The following AGBL1 variants were observed in gnomAD, a reference collection of about 807,000 sequenced individuals.
The protein encoded by AGBL1 is AGBL carboxypeptidase 1.
A neutral mutation model predicts 118.9 loss-of-function variants in AGBL1; 130 were observed. The ratio of observed to expected loss-of-function variants is 1.09; its 90% CI spans 0.95 to 1.26. The LOEUF (loss-of-function observed/expected upper bound fraction) is 1.26, where lower values mean the gene tolerates loss of function less well. Ranked by LOEUF, AGBL1 falls within the 50% of genes most tolerant of loss-of-function variation. The pLI, the probability that AGBL1 is intolerant of heterozygous loss-of-function variation, is 0.00. For synonymous variants in AGBL1, 555 were observed against 478.9 expected, an observed-to-expected ratio of 1.16 and a Z score of -2.08; for missense variants, 1,584 against 1,298.1, an observed-to-expected ratio of 1.22 and a Z score of -3.38.
At position 86,695,908 on chromosome 15, in the gene AGBL1, GGTTCCTTTTGGAGTTGATTTC is replaced by G. The variant is rs113943989; in HGVS notation, c.3158+21473_3158+21493del. On this transcript the variant is annotated intron_variant, in intron 22 of 22. Coordinates refer to ENST00000614907, the MANE Select transcript of AGBL1 (RefSeq NM_001386094.1). ...TTTCATGTATTTGCATGGTTATGAA[GGTTCCTTTTGGAGTTGATTTC>G]CAATTTGATTCCACTGTTGTCTGAC... Among the ~76,000 whole-genome samples the G allele has an allele frequency of 5.9e-3, 895 of 152,014 alleles. 6 individuals carry two copies. The highest frequency in any genetic ancestry group is 0.02 in the African/African-American group (834 of 41,494).
intron 18 of AGBL1, among the ~76,000 whole-genome samples, chr15:86,404,420 G>A (rs776116798): frequency 1.6e-4 from 25 of 152,078 alleles, no homozygotes; most frequent in East Asian, 1.9e-4. Context: ...CACTCAACTC[G>A]CCAGGATCAC....
intron 6 of AGBL1, among the ~76,000 whole-genome samples, chr15:86,236,027 T>C (rs60854282): frequency 6.6e-6 from 1 of 152,292 alleles, no homozygotes; most frequent in African/African-American, 2.4e-5. Context: ...TTGTGTAATA[T>C]GCACTTGGCA....
intron 21 of AGBL1, among the ~76,000 whole-genome samples, chr15:86,661,649 G>T (rs552953552): frequency 6.6e-6 from 1 of 151,948 alleles, no homozygotes; most frequent in African/African-American, 2.4e-5. Context: ...CAATTGCCAC[G>T]GACTCTCATT....
intron 21 of AGBL1, among the ~76,000 whole-genome samples, chr15:86,572,483 T>C (rs2084024076): frequency 1.3e-5 from 2 of 152,144 alleles, no homozygotes. Flanking sequence ...TCGTGGCAGT[T>C]GCCGGGGTGG....
chr15:86,563,855 T>C (rs1255150195), intron 21 of AGBL1, among the ~76,000 whole-genome samples: 2 of 152,208 alleles, frequency 1.3e-5, no homozygotes, highest in Non-Finnish European at 2.9e-5. Context: ...TTAGCTCTTC[T>C]TGTTGAATTG....
intron 17 of AGBL1, among the ~76,000 whole-genome samples, chr15:86,342,282 A>G (rs2080472733): frequency 6.6e-6 from 1 of 152,196 alleles, no homozygotes; most frequent in Admixed American, 6.5e-5. Context: ...GAACTCAATT[A>G]TGTTCCTTGA....
chr15:86,407,100 C>T (rs116922254), intron 18 of AGBL1, among the ~76,000 whole-genome samples: 2,628 of 152,268 alleles, frequency 0.017, 34 homozygotes, highest in South Asian at 0.028. Flanking sequence ...GTTAACACTA[C>T]ACATTATCAA....
intron 9 of AGBL1, among the ~76,000 whole-genome samples, chr15:86,261,993 G>T (rs1184436417): frequency 2.0e-5 from 3 of 147,404 alleles, no homozygotes; most frequent in Non-Finnish European, 1.5e-5. Context: ...CTCTTATTCT[G>T]TATGCAACAG....
At chr15:86,151,760 T>C (rs1191267287) in intron 3 of AGBL1, among the ~76,000 whole-genome samples, 1 of 152,192 alleles carries the variant, frequency 6.6e-6, no homozygotes, top group Non-Finnish European at 1.5e-5. Flanking sequence ...ATGACATGAT[T>C]GTATGTTTAG....
At chr15:86,384,726 G>A (rs1195014978) in intron 17 of AGBL1, among the ~76,000 whole-genome samples, 1 of 152,018 alleles carries the variant, frequency 6.6e-6, no homozygotes, top group African/African-American at 2.4e-5. Flanking sequence ...GAATAGATTT[G>A]CTGATTTTCT....
chr15:86,872,657 G>A (rs2079746451), intron 22 of AGBL1, among the ~76,000 whole-genome samples: 1 of 152,196 alleles, frequency 6.6e-6, no homozygotes, highest in South Asian at 2.1e-4. Context: ...TCAGGAGGCT[G>A]AGGCAGGAGA....
intron 22 of AGBL1, among the ~76,000 whole-genome samples, chr15:86,676,372 G>A (rs928498588): frequency 6.6e-6 from 1 of 152,142 alleles, no homozygotes; most frequent in African/African-American, 2.4e-5. Context: ...ATGGTTGAGA[G>A]GGAGATCACC....
At chr15:87,014,559 G>C (rs2081591232) in intron 24 of AGBL1, among the ~76,000 whole-genome samples, 2 of 152,128 alleles carry the variant, frequency 1.3e-5, no homozygotes. Flanking sequence ...TACAACATTA[G>C]ATCTAGGCGA....
chr15:86,283,357 A>G (rs2079385872), intron 16 of AGBL1, among the ~76,000 whole-genome samples: 1 of 152,120 alleles, frequency 6.6e-6, no homozygotes, highest in South Asian at 2.1e-4. Flanking sequence ...AAAAGCGGTC[A>G]TTAGCAGAGT....
chr15:86,115,824 A>G (rs934390926), intron 1 of AGBL1, among the ~76,000 whole-genome samples: 3 of 152,170 alleles, frequency 2.0e-5, no homozygotes, highest in African/African-American at 2.4e-5. Context: ...TGACTTTTCC[A>G]TGAAACTCCA....
intron 24 of AGBL1, among the ~76,000 whole-genome samples, chr15:86,990,726 T>A (rs1012735888): frequency 5.3e-5 from 8 of 152,080 alleles, no homozygotes; most frequent in Non-Finnish European, 8.8e-5. Context: ...CCTGCACATG[T>A]TTAAAGAGTC....
intron 22 of AGBL1, among the ~76,000 whole-genome samples, chr15:86,842,440 C>A (rs917351792): frequency 1.3e-5 from 2 of 152,144 alleles, no homozygotes; most frequent in Non-Finnish European, 1.5e-5. Context: ...CAGAGTCTGG[C>A]CCAGCCATGG....
At chr15:86,851,397 C>G (rs926875994) in intron 22 of AGBL1, among the ~76,000 whole-genome samples, 1 of 152,072 alleles carries the variant, frequency 6.6e-6, no homozygotes, top group African/African-American at 2.4e-5. Context: ...TGGGGGCAAA[C>G]AGTGAGGACA....
intron 3 of AGBL1, among the ~76,000 whole-genome samples, chr15:86,148,952 AAG>A (rs1480667064): frequency 1.3e-5 from 2 of 152,226 alleles, no homozygotes; most frequent in African/African-American, 4.8e-5. Context: ...TACAAGCCAG[AAG>A]AGAGTGGGGG....
Sources: allele counts gnomAD v4.1 joint callset (sites outside exome capture counted in the v4.1 genomes callset), GRCh38; gene constraint gnomAD v4.1.1; transcripts MANE v1.5; gene names NCBI Gene and HGNC (gene_info 2026-07-23, HGNC 2026-07-21).